SFSWAP: variants seen among roughly 807,000 people sequenced by gnomAD.
SFSWAP encodes splicing factor, suppressor of white-apricot homolog.
Under a neutral mutation model 100.7 loss-of-function variants are expected in SFSWAP, and 17 were observed. The observed-to-expected ratio is 0.17, with a 90% CI of 0.12 to 0.25. SFSWAP has a LOEUF of 0.25. Among genes scored for constraint, SFSWAP ranks in the 10% least tolerant of loss-of-function variants. SFSWAP has a pLI of 1.00. For missense variants in SFSWAP, 1,005 were observed against 1,262.6 expected, an observed-to-expected ratio of 0.80 and a Z score of 3.09; for synonymous variants, 504 against 510.1, an observed-to-expected ratio of 0.99 and a Z score of 0.16.
chr12:131,751,170 T>C (rs1444611298), intron 7 of SFSWAP, among the ~76,000 whole-genome samples: 1 of 152,224 alleles, frequency 6.6e-6, no homozygotes, highest in Non-Finnish European at 1.5e-5. Flanking sequence ...AACAGTTTCT[T>C]CATCTCTGTT....
chr12:131,735,537 A>G (rs1422146546), intron 7 of SFSWAP, among the ~76,000 whole-genome samples: 1 of 152,232 alleles, frequency 6.6e-6, no homozygotes, highest in Non-Finnish European at 1.5e-5. Context: ...ACTGCCATCG[A>G]AGGTCTCGAG....
intron 13 of SFSWAP, among the ~76,000 whole-genome samples, chr12:131,772,086 T>G (rs1275634918): frequency 1.3e-5 from 2 of 152,226 alleles, no homozygotes; most frequent in East Asian, 3.8e-4. Flanking sequence ...GTTAGCTGTT[T>G]GTCATCAGTG....
At chr12:131,798,961 TG>T in intron 16 of SFSWAP, 75 bp from the exon 17 acceptor site, 1 of 1,019,956 alleles carries the variant, frequency 9.8e-7, no homozygotes, top group Non-Finnish European at 1.6e-6. Flanking sequence ...GGTTCGGAGG[TG>T]GGGATGCTGT....
chr12:131,754,548 GT>G, intron 9 of SFSWAP, 49 bp downstream of exon 9: 1 of 1,291,040 alleles, frequency 7.7e-7, no homozygotes. Flanking sequence ...TGGGGGTTTC[GT>G]TTAGCCTTTT....
In SFSWAP at chr12:131,753,175, C is replaced by T; in HGVS notation, c.1134C>T (p.Tyr378=). ...YSYYMLPDGT[Y]CLAPPPPGID... is the part of the protein sequence containing the mutation. ...ACTACATGCTACCGGACGGCACTTA[C>T]TGCCTGGCGCCGCCCCCTCCCGGAA... The change falls in exon 8 of 18, where the codon TAC becomes TAT. Residue 378 remains tyrosine (Y), a synonymous_variant. Transcript: ENST00000261674. 1 of 1,614,180 alleles carries T rather than the reference C, an allele frequency of 6.2e-7. No homozygotes were observed. Among genetic ancestry groups the T allele is most frequent in the Non-Finnish European group, 8.5e-7 (1 of 1,180,010 alleles).
intron 1 of SFSWAP, chr12:131,712,558 A>G (rs193109475): frequency 6.6e-6 from 1 of 152,224 alleles, no homozygotes; most frequent in Non-Finnish European, 1.5e-5. Context: ...GCCCTGGAGC[A>G]TGACTGTAGG....
At chr12:131,786,709 T>TC (rs1375891156) in intron 15 of SFSWAP, 121 bp downstream of exon 15, 1 of 1,061,662 alleles carries the variant, frequency 9.4e-7, no homozygotes, top group East Asian at 2.6e-5. Flanking sequence ...AGGTGCTGAG[T>TC]CCCCCACCAC....
chr12:131,777,919 C>G, intron 13 of SFSWAP, 146 bp from the exon 14 acceptor site: 2 of 1,322,812 alleles, frequency 1.5e-6, no homozygotes, highest in Non-Finnish European at 2.0e-6. Context: ...ACAAGGAGGT[C>G]ACTCTGGATA....
Position 131,766,294 on chromosome 12 carries a change from C to A in SFSWAP, c.2128C>A (p.Pro710Thr). 1 of 1,614,054 alleles carries A rather than the reference C, an allele frequency of 6.2e-7. No homozygotes were observed. Among genetic ancestry groups the A allele is most frequent in the South Asian group, 1.1e-5 (1 of 91,066 alleles). Residue 710 changes from proline to threonine, a missense_variant, in exon 13 of 18, where the codon CCT (proline) becomes ACT (threonine). Pro to Thr is a conservative substitution (Grantham distance 38, BLOSUM62 -1). Coordinates refer to ENST00000261674, the MANE Select transcript of SFSWAP (RefSeq NM_004592.4). The stretch of plus-strand genomic sequence containing the variant: ...AGAAGCTGGGAAAATTGAGGAGAGT[C>A]CTTTCAGTGTCGAGGTATAGTAAAA... The part of the protein sequence containing the change: ...EAEAGKIEES[P>T]FSVEESSTTP...
chr12:131,752,716 A>G (rs1489027429), intron 7 of SFSWAP, among the ~76,000 whole-genome samples: 1 of 152,214 alleles, frequency 6.6e-6, no homozygotes, highest in Non-Finnish European at 1.5e-5. Context: ...AGCCAAAGGC[A>G]TTTCCTCACA....
At chr12:131,751,416 G>A (rs746696774) in intron 7 of SFSWAP, among the ~76,000 whole-genome samples, 1 of 152,202 alleles carries the variant, frequency 6.6e-6, no homozygotes, top group Non-Finnish European at 1.5e-5. Flanking sequence ...TGCTGAGGTG[G>A]GAGGCTGGAG....
In SFSWAP at chr12:131,754,510, G is replaced by T. The variant is rs780175493; in HGVS notation, c.1454+11G>T. 4 of 1,533,876 alleles carry T rather than the reference G, an allele frequency of 2.6e-6. No individual in the cohort carries two copies. Among genetic ancestry groups the T allele is most frequent in the East Asian group, 5.1e-5 (2 of 39,344 alleles). ...CAAGAATGATCAAAGGTCAGAAGAA[G>T]AATTTTATATGTTAGGTATATGGCA... On this transcript the variant is annotated intron_variant, in intron 9 of 17. Coordinates refer to ENST00000261674, the MANE Select transcript of SFSWAP (RefSeq NM_004592.4).
In SFSWAP at chr12:131,719,439, T is replaced by A; in HGVS notation, c.521-15T>A. 6.2e-7 allele frequency: 1 copy of A among 1,610,808 alleles called. No individual in the cohort carries two copies. The highest frequency in any genetic ancestry group is 1.1e-5 in the South Asian group (1 of 90,980). The stretch of plus-strand genomic sequence containing the variant: ...CCTGCATTGTTCTGAATTTTTTAAT[T>A]TTCTTTTTATGCAGAAAAAAATGAG... On this transcript the variant is annotated splice_polypyrimidine_tract_variant and intron_variant, in intron 3 of 17. Coordinates refer to ENST00000261674, the MANE Select transcript of SFSWAP (RefSeq NM_004592.4).
chr12:131,718,781 C>T (rs1229165990), intron 3 of SFSWAP, among the ~76,000 whole-genome samples: 1 of 152,038 alleles, frequency 6.6e-6, no homozygotes, highest in South Asian at 2.1e-4. Flanking sequence ...GAAAGAGCAG[C>T]GGAGGGGAAA....
chr12:131,769,223 G>A (rs1883374903), intron 13 of SFSWAP, among the ~76,000 whole-genome samples: 1 of 152,142 alleles, frequency 6.6e-6, no homozygotes, highest in South Asian at 2.1e-4. Context: ...AAATGCTTCT[G>A]ATGTAATAAG....
rs762809272 is a variant in SFSWAP at position 131,753,196 on chromosome 12, C to G, written c.1155C>G (p.Pro385=). The change falls in exon 8 of 18, where the codon CCC becomes CCG. Residue 385 remains proline (P), a synonymous_variant. Coordinates refer to ENST00000261674, the MANE Select transcript of SFSWAP (RefSeq NM_004592.4). ...CTTACTGCCTGGCGCCGCCCCCTCC[C>G]GGAATCGACGTGACTACTTACTACA... ...DGTYCLAPPP[P]GIDVTTYYST... 3.7e-6 allele frequency: 6 copies of G among 1,614,204 alleles called. No homozygotes were observed. The highest frequency in any genetic ancestry group is 5.1e-6 in the Non-Finnish European group (6 of 1,180,022).
At chr12:131,747,847 A>C (rs1881280355) in intron 7 of SFSWAP, among the ~76,000 whole-genome samples, 1 of 152,270 alleles carries the variant, frequency 6.6e-6, no homozygotes, top group African/African-American at 2.4e-5. Flanking sequence ...GTTAATGCAC[A>C]AGTTCAAGTT....
At chr12:131,721,743 T>C (rs892535684) in intron 4 of SFSWAP, among the ~76,000 whole-genome samples, 2 of 152,224 alleles carry the variant, frequency 1.3e-5, no homozygotes, top group East Asian at 1.9e-4. Flanking sequence ...TCAAACATAC[T>C]TGTCACTCAT....
Position 131,786,653 on chromosome 12 carries a change from T to C in SFSWAP, c.2534+65T>C, listed in dbSNP as rs905930565. ...CAGGTTTCCCTGGGTGGAAAGGGCG[T>C]CTGAAGGTCGGGTATCTGTGAGCAG... On this transcript the variant is annotated intron_variant, in intron 15 of 17. Coordinates refer to ENST00000261674, the MANE Select transcript of SFSWAP (RefSeq NM_004592.4). The C allele has an allele frequency of 2.0e-6, 3 of 1,514,156 alleles. No individual in the cohort carries two copies. In the African/African-American group the frequency reaches 4.1e-5, roughly 21 times the overall value. The allele number at this position is 1,514,156 out of a possible 1,614,324, so 93.8% of individuals were successfully genotyped here. A position where few individuals can be genotyped will look rare whatever the true frequency, so the allele number is the denominator to read the frequency against.
Sources: allele counts gnomAD v4.1 joint callset (sites outside exome capture counted in the v4.1 genomes callset), GRCh38; gene constraint gnomAD v4.1.1; transcripts MANE v1.5; gene names NCBI Gene and HGNC (gene_info 2026-07-23, HGNC 2026-07-21).